MPRIP: variants seen among roughly 807,000 people sequenced by gnomAD.
MPRIP encodes the protein myosin phosphatase Rho interacting protein.
MPRIP carries 59 observed loss-of-function variants against 234.9 expected under a neutral mutation model. That is an observed-to-expected ratio of 0.25 (90% CI 0.20 to 0.31). The LOEUF (loss-of-function observed/expected upper bound fraction) is 0.31. Ranked by LOEUF, MPRIP falls within the 10% of genes least tolerant of loss-of-function variation. The pLI, the probability that MPRIP is intolerant of heterozygous loss-of-function variation, is 1.00. For synonymous variants in MPRIP, 1,144 were observed against 1,263.9 expected, an observed-to-expected ratio of 0.91 and a Z score of 2.01; for missense variants, 2,436 against 3,071.0, an observed-to-expected ratio of 0.79 and a Z score of 4.89.
At position 17,166,253 on chromosome 17, in the gene MPRIP, T is replaced by A. The variant is rs1458803155; in HGVS notation, c.4662T>A (p.Ser1554=). 7.7e-7 allele frequency: 1 copy of A among 1,304,176 alleles called. No homozygotes were observed. The highest frequency in any genetic ancestry group is 1.0e-6 in the Non-Finnish European group (1 of 988,920). 80.8% of individuals were successfully genotyped at this position (1,304,176 alleles called of 1,614,324 possible). ...KPASLQQCSQ[S]ELTEQEQVRL... is the part of the protein sequence containing the mutation. ...CCTCCCTGCAGCAGTGCTCCCAGTC[T>A]GAGTTGACAGAGCAGGAGCAGGTGA... The change falls in exon 16 of 24, where the codon TCT becomes TCA. Residue 1554 remains serine (S), a synonymous_variant. Transcript: ENST00000651222. The surrounding 1 kb of genome is among the most constrained non-coding windows in gnomAD (Gnocchi z 4.4).
At chr17:17,132,397 A>G (rs1001349444) in intron 5 of MPRIP, among the ~76,000 whole-genome samples, 1 of 152,254 alleles carries the variant, frequency 6.6e-6, no homozygotes, top group East Asian at 1.9e-4. Context: ...TGTTGTGAGC[A>G]TGAAAGGAAG....
At position 17,167,500 on chromosome 17, in the gene MPRIP, G is replaced by A. The variant is rs745943788; in HGVS notation, c.5909G>A (p.Arg1970His). 1.9e-5 allele frequency: 25 copies of A among 1,304,064 alleles called. No homozygotes were observed. The East Asian group carries it at 2.8e-4, about 14-fold the overall frequency. The allele number at this position is 1,304,064 out of a possible 1,614,324, so 80.8% of individuals were successfully genotyped here. ...TRTESTLQAE[R>H]SRVLSQLDAS... ...ACCGAGAGCACACTGCAGGCTGAGC[G>A]CAGCCGGGTCCTGAGCCAGCTGGAT... Residue 1970 changes from arginine (R) to histidine (H), a missense_variant, in exon 16 of 24, where the codon CGC becomes CAC. Around this residue, in one of 4 missense-constraint regions of MPRIP, gnomAD observed 1,998 missense variants for 2,520.3 expected, o/e 0.79. Transcript: ENST00000651222. The surrounding 1 kb of genome is among the most constrained non-coding windows in gnomAD (Gnocchi z 5.9).
At position 17,085,204 on chromosome 17, in the gene MPRIP, G is replaced by T. The variant is rs577699333; in HGVS notation, c.267+7128G>T. Among the ~76,000 whole-genome samples, 18 of 152,332 alleles carry T rather than the reference G, an allele frequency of 1.2e-4. No individual in the cohort carries two copies. The South Asian group carries it at 2.1e-3, about 18-fold the overall frequency. On this transcript the variant is annotated intron_variant, in intron 3 of 23. Coordinates refer to ENST00000651222, the MANE Select transcript of MPRIP (RefSeq NM_001364716.4). The stretch of plus-strand genomic sequence containing the variant: ...GGGGTCACCCAGGCCCTCTCTCCCT[G>T]TGTAGGCACCTCCCGGGCTATTCGG...
At chr17:17,146,805 C>A (rs2045476106) in intron 10 of MPRIP, among the ~76,000 whole-genome samples, 1 of 152,264 alleles carries the variant, frequency 6.6e-6, no homozygotes, top group Non-Finnish European at 1.5e-5. Context: ...ATATCAAATG[C>A]CCTTGGCCTG....
chr17:17,140,818 G>A (rs76019432), intron 7 of MPRIP, among the ~76,000 whole-genome samples: 1 of 152,184 alleles, frequency 6.6e-6, no homozygotes, highest in African/African-American at 2.4e-5. Flanking sequence ...TGGCAGCAAG[G>A]ACAGCTCCCC....
At chr17:17,053,308 C>T (rs529943613) in intron 1 of MPRIP, among the ~76,000 whole-genome samples, 1 of 152,178 alleles carries the variant, frequency 6.6e-6, no homozygotes, top group African/African-American at 2.4e-5. Flanking sequence ...CATCTATGCC[C>T]CTCATCTGAA....
At chr17:17,174,824 G>A (rs972645280) in intron 19 of MPRIP, among the ~76,000 whole-genome samples, 6 of 151,552 alleles carry the variant, frequency 4.0e-5, no homozygotes, top group African/African-American at 1.2e-4. Flanking sequence ...AGATTTGCTT[G>A]CTCCTTAGTT....
intron 1 of MPRIP, chr17:17,057,785 C>G: frequency 1.4e-6 from 1 of 704,978 alleles, no homozygotes; most frequent in Non-Finnish European, 2.6e-6. Context: ...GAGGTGGCCC[C>G]TGAAGCATGA....
At chr17:17,062,858 C>T (rs2088908275) in intron 1 of MPRIP, among the ~76,000 whole-genome samples, 3 of 152,218 alleles carry the variant, frequency 2.0e-5, no homozygotes, top group Admixed American at 2.0e-4. Flanking sequence ...GACATGGGCT[C>T]ACTGTATCAG....
chr17:17,047,583 A>G (rs191604553), intron 1 of MPRIP, among the ~76,000 whole-genome samples: 7 of 152,332 alleles, frequency 4.6e-5, no homozygotes, highest in Admixed American at 1.3e-4. Context: ...GTAAATTACA[A>G]TCAAGGCATT....
Position 17,147,392 on chromosome 17 carries a change from G to GTGTC in MPRIP, c.1629+8_1629+11dup, listed in dbSNP as rs988243450. On this transcript the variant is annotated splice_donor_region_variant and intron_variant, in intron 11 of 23. Transcript: ENST00000651222. ...AGGGATTCAGTGGCTGAGGAGGTGAGTGTCTGGGCTTTGCCTCTGCTGTGG... is the reference window on the plus strand; with the variant it reads ...AGGGATTCAGTGGCTGAGGAGGTGAGTGTCTGTCTGGGCTTTGCCTCTGCTGTGG... The GTGTC allele has an allele frequency of 4.3e-6, 7 of 1,614,026 alleles. No homozygotes were observed. The highest frequency in any genetic ancestry group is 5.9e-6 in the Non-Finnish European group (7 of 1,179,978).
At chr17:17,132,644 G>T (rs537032073) in intron 5 of MPRIP, among the ~76,000 whole-genome samples, 5 of 152,314 alleles carry the variant, frequency 3.3e-5, no homozygotes, top group African/African-American at 1.2e-4. Flanking sequence ...CCCTTGGGCT[G>T]CCCTTGGATA....
At chr17:17,109,560 G>T (rs1188930641) in intron 3 of MPRIP, among the ~76,000 whole-genome samples, 1 of 152,194 alleles carries the variant, frequency 6.6e-6, no homozygotes, top group Non-Finnish European at 1.5e-5. Context: ...GATACATAAG[G>T]ATACAGAGAG....
chr17:17,119,100 G>A (rs1025979694), intron 3 of MPRIP, among the ~76,000 whole-genome samples: 4 of 152,288 alleles, frequency 2.6e-5, no homozygotes, highest in South Asian at 2.1e-4. Flanking sequence ...TTCCAGGGGC[G>A]CCTAGGAACT....
chr17:17,090,258 A>G (rs1047649739), intron 3 of MPRIP, among the ~76,000 whole-genome samples: 4 of 152,102 alleles, frequency 2.6e-5, no homozygotes, highest in African/African-American at 9.7e-5. Context: ...GCTGTGACCT[A>G]CCTCCAACCA....
At chr17:17,144,579 C>T (rs1009702335) in intron 9 of MPRIP, among the ~76,000 whole-genome samples, 44 of 152,094 alleles carry the variant, frequency 2.9e-4, no homozygotes, top group African/African-American at 9.9e-4. Context: ...CAAGCTAGGC[C>T]GGGCACGGTG....
At chr17:17,102,244 C>A (rs1370256166) in intron 3 of MPRIP, among the ~76,000 whole-genome samples, 1 of 152,122 alleles carries the variant, frequency 6.6e-6, no homozygotes, top group Non-Finnish European at 1.5e-5. Context: ...CAAGGCCAGG[C>A]CTTGGGCCAG....
chr17:17,137,820 C>T (rs1321665286), intron 6 of MPRIP, 96 bp from the exon 7 acceptor site: 24 of 1,149,208 alleles, frequency 2.1e-5, no homozygotes, highest in Admixed American at 1.6e-4. Flanking sequence ...GAGAAGGCCC[C>T]TGCTTGGATC....
chr17:17,129,656 G>T (rs2090559373), intron 4 of MPRIP, among the ~76,000 whole-genome samples: 1 of 151,930 alleles, frequency 6.6e-6, no homozygotes, highest in Admixed American at 6.5e-5. Context: ...CACGTAGTCA[G>T]CAGAGCACCT....
Sources: allele counts gnomAD v4.1 joint callset (sites outside exome capture counted in the v4.1 genomes callset), GRCh38; gene constraint gnomAD v4.1.1; regional missense constraint gnomAD v4.1.1; non-coding constraint Gnocchi (gnomAD v3.1); transcripts MANE v1.5; gene names NCBI Gene and HGNC (gene_info 2026-07-23, HGNC 2026-07-21).